Variants in PDE3B observed in about 807,000 individuals in gnomAD.
PDE3B encodes cGMP-inhibited 3',5'-cyclic phosphodiesterase 3B.
PDE3B carries 66 observed loss-of-function variants against 116.8 expected under a neutral mutation model. The observed-to-expected ratio is 0.56, with a 90% CI of 0.46 to 0.69. The LOEUF (loss-of-function observed/expected upper bound fraction) is 0.69, where lower values mean the gene tolerates loss of function less well. Among genes scored for constraint, PDE3B ranks in the 30% least tolerant of loss-of-function variants. The probability of loss-of-function intolerance (pLI) is 0.00; values close to 1 mark genes in which losing one functional copy is unlikely to be tolerated. For missense variants in PDE3B, 1,384 were observed against 1,368.1 expected, an observed-to-expected ratio of 1.01 and a Z score of -0.18; for synonymous variants, 595 against 533.6, an observed-to-expected ratio of 1.12 and a Z score of -1.59.
intron 1 of PDE3B, among the ~76,000 whole-genome samples, chr11:14,731,206 C>T (rs1284533219): frequency 6.6e-6 from 1 of 151,398 alleles, no homozygotes; most frequent in African/African-American, 2.4e-5. Flanking sequence ...ATTTGTTATA[C>T]CCTTCCACCA....
chr11:14,731,494 G>A (rs944468710), intron 1 of PDE3B, among the ~76,000 whole-genome samples: 6 of 151,842 alleles, frequency 4.0e-5, no homozygotes, highest in African/African-American at 1.2e-4. Flanking sequence ...TCCTGACCTC[G>A]TGATCTGCCC....
At chr11:14,795,746 T>A (rs1858532208) in intron 4 of PDE3B, among the ~76,000 whole-genome samples, 1 of 152,182 alleles carries the variant, frequency 6.6e-6, no homozygotes, top group African/African-American at 2.4e-5. Context: ...TTTTGTTTTC[T>A]TTCTTTTTTA....
chr11:14,745,381 A>G (rs1856885006), intron 1 of PDE3B, among the ~76,000 whole-genome samples: 1 of 152,132 alleles, frequency 6.6e-6, no homozygotes, highest in Non-Finnish European at 1.5e-5. Flanking sequence ...TGATCTAACT[A>G]TATTGATTAA....
the PDE3B span, chr11:14,891,251 G>C: frequency 5.1e-6 from 5 of 985,114 alleles, no homozygotes; most frequent in Non-Finnish European, 6.0e-6. Flanking sequence ...CGACCTCACC[G>C]GCTGGTTATG....
chr11:14,879,090 T>TA, the PDE3B span: 3 of 1,565,146 alleles, frequency 1.9e-6, no homozygotes, highest in East Asian at 4.5e-5. Context: ...ATTCTAAAGT[T>TA]ACGCCCCGTG....
At chr11:14,808,059 C>CAAAAAA (rs765095329) in intron 5 of PDE3B, among the ~76,000 whole-genome samples, 1 of 67,386 alleles carries the variant, frequency 1.5e-5, no homozygotes. Context: ...GCCTTCGTCT[C>CAAAAAA]AAAAAAAAAA....
the PDE3B span, among the ~76,000 whole-genome samples, chr11:14,883,762 A>G: frequency 6.6e-6 from 1 of 152,088 alleles, no homozygotes; most frequent in Non-Finnish European, 1.5e-5. Flanking sequence ...ACAAAATGGG[A>G]GAAAATTTTT....
intron 1 of PDE3B, among the ~76,000 whole-genome samples, chr11:14,662,395 G>A (rs192061308): frequency 4.8e-4 from 73 of 152,316 alleles, no homozygotes; most frequent in African/African-American, 1.6e-3. Context: ...CTAAAAAGCA[G>A]AACGCCTCTC....
At chr11:14,778,732 C>A (rs1307531329) in intron 2 of PDE3B, among the ~76,000 whole-genome samples, 1 of 152,170 alleles carries the variant, frequency 6.6e-6, no homozygotes, top group Non-Finnish European at 1.5e-5. Context: ...AGCAGAAAAG[C>A]TGAAAATTCT....
At chr11:14,728,303 C>T (rs10219313) in intron 1 of PDE3B, among the ~76,000 whole-genome samples, 53,682 of 151,770 alleles carry the variant, frequency 0.35, 10,905 homozygotes, top group South Asian at 0.46. Flanking sequence ...CTGTGAAAGT[C>T]ACTAATACTT....
At chr11:14,841,851 G>A (rs981542372) in intron 11 of PDE3B, among the ~76,000 whole-genome samples, 32 of 150,002 alleles carry the variant, frequency 2.1e-4, no homozygotes, top group African/African-American at 7.1e-4. Context: ...GATTACTATC[G>A]CTTTGTAATA....
intron 1 of PDE3B, among the ~76,000 whole-genome samples, chr11:14,699,555 CT>C (rs1220773156): frequency 6.6e-6 from 1 of 151,822 alleles, no homozygotes; most frequent in Non-Finnish European, 1.5e-5. Flanking sequence ...CTAATGACTT[CT>C]CATTCTGTAG....
intron 12 of PDE3B, among the ~76,000 whole-genome samples, chr11:14,856,251 T>C (rs1847848720): frequency 6.6e-6 from 1 of 152,246 alleles, no homozygotes; most frequent in Non-Finnish European, 1.5e-5. Context: ...GTAAGTTTCC[T>C]GAGGCTTCCC....
chr11:14,783,757 A>G (rs904613816), intron 2 of PDE3B, among the ~76,000 whole-genome samples: 1 of 152,146 alleles, frequency 6.6e-6, no homozygotes, highest in African/African-American at 2.4e-5. Flanking sequence ...AACACAAAAT[A>G]TAATAATAAA....
At chr11:14,659,616 C>T (rs1214557997) in intron 1 of PDE3B, among the ~76,000 whole-genome samples, 1 of 152,118 alleles carries the variant, frequency 6.6e-6, no homozygotes, top group Non-Finnish European at 1.5e-5. Flanking sequence ...GGTATTAAGC[C>T]TAGTACCCAT....
At chr11:14,688,055 A>T (rs966254903) in intron 1 of PDE3B, among the ~76,000 whole-genome samples, 1 of 151,072 alleles carries the variant, frequency 6.6e-6, no homozygotes, top group African/African-American at 2.4e-5. Flanking sequence ...ATTTAATTTT[A>T]TTAAAATTGA....
intron 1 of PDE3B, among the ~76,000 whole-genome samples, chr11:14,679,058 C>T (rs752175104): frequency 3.3e-5 from 5 of 152,086 alleles, no homozygotes; most frequent in South Asian, 2.1e-4. Context: ...AATTAATTTG[C>T]TATATTTATG....
At chr11:14,779,289 C>A (rs1485656089) in intron 2 of PDE3B, among the ~76,000 whole-genome samples, 1 of 152,082 alleles carries the variant, frequency 6.6e-6, no homozygotes, top group Non-Finnish European at 1.5e-5. Flanking sequence ...CAAGGAAGGC[C>A]AACATTCAAA....
At chr11:14,843,206 T>C (rs1847511221) in intron 11 of PDE3B, among the ~76,000 whole-genome samples, 1 of 152,224 alleles carries the variant, frequency 6.6e-6, no homozygotes, top group African/African-American at 2.4e-5. Flanking sequence ...AAGAAGAGGA[T>C]AAAAATAGAG....
Sources: gnomAD v4.1 joint callset for allele counts (sites outside exome capture counted in the v4.1 genomes callset) on GRCh38, gnomAD v4.1.1 for gene constraint, MANE v1.5 for transcripts, NCBI Gene and HGNC (gene_info 2026-07-23, HGNC 2026-07-21) for gene names.